MACROD2: variants seen among roughly 807,000 people sequenced by gnomAD.
MACROD2 encodes the protein mono-ADP ribosylhydrolase 2.
In MACROD2, 36 loss-of-function variants were observed where a neutral mutation model predicts 70.4. The ratio of observed to expected loss-of-function variants is 0.51; its 90% CI spans 0.39 to 0.68. The LOEUF (loss-of-function observed/expected upper bound fraction) is 0.68. Among genes scored for constraint, MACROD2 ranks in the 30% least tolerant of loss-of-function variants. The pLI, the probability that MACROD2 is intolerant of heterozygous loss-of-function variation, is 0.00. For synonymous variants in MACROD2, 172 were observed against 178.8 expected (o/e 0.96, Z 0.30); for missense variants, 496 against 538.4 (o/e 0.92, Z 0.78).
chr20:15,127,082 A>G (rs1207600574), intron 5 of MACROD2, among the ~76,000 whole-genome samples: 2 of 152,140 alleles, frequency 1.3e-5, no homozygotes, highest in Non-Finnish European at 2.9e-5. Flanking sequence ...TTGGTTTTAA[A>G]GCCTTTTTGT....
chr20:15,383,973 G>C (rs1410925963), intron 6 of MACROD2, among the ~76,000 whole-genome samples: 1 of 152,030 alleles, frequency 6.6e-6, no homozygotes, highest in Non-Finnish European at 1.5e-5. Context: ...GGGAAATCTG[G>C]TAAATGGTTT....
intron 13 of MACROD2, among the ~76,000 whole-genome samples, chr20:15,970,426 T>G (rs1417987155): frequency 6.6e-6 from 1 of 152,196 alleles, no homozygotes; most frequent in East Asian, 1.9e-4. Context: ...TAATTTTAAG[T>G]GTTCTAATGT....
At chr20:14,441,234 A>C (rs1019219119) in intron 3 of MACROD2, among the ~76,000 whole-genome samples, 1 of 152,176 alleles carries the variant, frequency 6.6e-6, no homozygotes, top group Non-Finnish European at 1.5e-5. Context: ...TGGGATCGCT[A>C]TGTAAAGAAG....
At chr20:14,441,517 G>A (rs557990184) in intron 3 of MACROD2, among the ~76,000 whole-genome samples, 5 of 152,250 alleles carry the variant, frequency 3.3e-5, no homozygotes, top group Admixed American at 6.5e-5. Flanking sequence ...GGTAATTCTC[G>A]GTCTAGAAGT....
chr20:14,970,760 C>T (rs1018529323), intron 5 of MACROD2, among the ~76,000 whole-genome samples: 1 of 152,132 alleles, frequency 6.6e-6, no homozygotes, highest in Non-Finnish European at 1.5e-5. Context: ...AAACGATCCT[C>T]CTGCCTCAGC....
chr20:14,223,283 T>C (rs1439686629), intron 3 of MACROD2: 3 of 152,224 alleles, frequency 2.0e-5, no homozygotes, highest in Non-Finnish European at 2.9e-5. Flanking sequence ...CAGCAATGTA[T>C]ACAGTCTTGA....
chr20:14,216,302 G>C (rs939672271), intron 3 of MACROD2, among the ~76,000 whole-genome samples: 6 of 152,060 alleles, frequency 3.9e-5, no homozygotes, highest in African/African-American at 1.4e-4. Flanking sequence ...CTTTCTTGAA[G>C]ATCACTTGGC....
intron 2 of MACROD2, among the ~76,000 whole-genome samples, chr20:14,069,606 C>T (rs2053812516): frequency 6.7e-6 from 1 of 149,386 alleles, no homozygotes; most frequent in Admixed American, 6.7e-5. Context: ...ACCAAGTTTC[C>T]ATCAGATAAA....
At chr20:14,362,554 C>T (rs916263829) in intron 3 of MACROD2, among the ~76,000 whole-genome samples, 6 of 152,118 alleles carry the variant, frequency 3.9e-5, no homozygotes. Flanking sequence ...GTAAAAATTT[C>T]ACAGCCCCAA....
chr20:15,385,122 G>A (rs947241995), intron 6 of MACROD2, among the ~76,000 whole-genome samples: 3 of 152,166 alleles, frequency 2.0e-5, no homozygotes, highest in Admixed American at 6.6e-5. Context: ...TGCACACAGT[G>A]GGTGGGGCAG....
intron 6 of MACROD2, among the ~76,000 whole-genome samples, chr20:15,285,747 G>A (rs2077485183): frequency 6.6e-6 from 1 of 152,138 alleles, no homozygotes; most frequent in African/African-American, 2.4e-5. Context: ...TTATTTCGAT[G>A]TATGGCAGTG....
chr20:14,111,335 A>G (rs1469016437), intron 3 of MACROD2, among the ~76,000 whole-genome samples: 1 of 152,010 alleles, frequency 6.6e-6, no homozygotes, highest in Non-Finnish European at 1.5e-5. Context: ...TCACAAGCAT[A>G]GGCAACCAAA....
intron 3 of MACROD2, among the ~76,000 whole-genome samples, chr20:14,218,015 A>G (rs1022039829): frequency 1.3e-5 from 2 of 152,122 alleles, no homozygotes; most frequent in African/African-American, 2.4e-5. Context: ...AATGTTCCCT[A>G]TATATCTGTT....
chr20:14,965,410 T>G (rs1265268752), intron 5 of MACROD2, among the ~76,000 whole-genome samples: 2 of 151,628 alleles, frequency 1.3e-5, no homozygotes, highest in African/African-American at 4.8e-5. Context: ...ATCCATATTC[T>G]AATTGTTTCC....
At chr20:15,793,856 TTATTA>T (rs1315454486) in intron 8 of MACROD2, among the ~76,000 whole-genome samples, 71 of 147,326 alleles carry the variant, frequency 4.8e-4, no homozygotes, top group African/African-American at 1.3e-3. Context: ...ATATATAATT[TTATTA>T]TATTATATTA....
intron 3 of MACROD2, among the ~76,000 whole-genome samples, chr20:14,126,834 T>C (rs1305102738): frequency 6.6e-6 from 1 of 152,130 alleles, no homozygotes; most frequent in Non-Finnish European, 1.5e-5. Flanking sequence ...AATCTATAAA[T>C]GTGTGTGTTC....
At chr20:15,948,312 C>T (rs2065853709) in intron 12 of MACROD2, among the ~76,000 whole-genome samples, 1 of 144,276 alleles carries the variant, frequency 6.9e-6, no homozygotes, top group Non-Finnish European at 1.5e-5. Context: ...CATATAAACC[C>T]AGGCATTCGA....
In MACROD2 at chr20:15,159,868, C is replaced by T. The variant is rs1024656757; in HGVS notation, c.419-70072C>T. Among the ~76,000 whole-genome samples, 11 of 151,996 alleles carry T rather than the reference C, an allele frequency of 7.2e-5. 1 individual carries two copies. In the South Asian group the frequency reaches 8.3e-4, roughly 11 times the overall value. On this transcript the variant is annotated intron_variant, in intron 5 of 17. Transcript: ENST00000684519. ...GGAGAGGAAGATGCTAAATTCTCAG[C>T]GCAGTGGGAGAGGTTGGATCTTGGG...
intron 15 of MACROD2, among the ~76,000 whole-genome samples, chr20:16,021,643 C>T (rs1056937768): frequency 1.3e-5 from 2 of 152,146 alleles, no homozygotes; most frequent in Admixed American, 1.3e-4. Context: ...GCCTAACACT[C>T]CACTAAGTGC....
Sources: gnomAD v4.1 joint callset for allele counts (sites outside exome capture counted in the v4.1 genomes callset) on GRCh38, gnomAD v4.1.1 for gene constraint, MANE v1.5 for transcripts, NCBI Gene and HGNC (gene_info 2026-07-23, HGNC 2026-07-21) for gene names.